PCDH15: variants seen among roughly 807,000 people sequenced by gnomAD.
PCDH15 encodes protocadherin related 15, also known as protocadherin-15.
PCDH15 carries 129 observed loss-of-function variants against 178.5 expected under a neutral mutation model. The observed-to-expected ratio is 0.72, with a 90% CI of 0.63 to 0.84. The LOEUF (loss-of-function observed/expected upper bound fraction) is 0.84, where lower values mean the gene tolerates loss of function less well. Among genes scored for constraint, PCDH15 ranks in the 40% least tolerant of loss-of-function variants. PCDH15 has a pLI of 0.00. For synonymous variants in PCDH15, 800 were observed against 732.0 expected, an observed-to-expected ratio of 1.09 and a Z score of -1.50; for missense variants, 2,230 against 2,099.9, an observed-to-expected ratio of 1.06 and a Z score of -1.21.
rs780080979 is a variant in PCDH15 at position 53,803,462 on chromosome 10, C to T, written c.*3117G>A. 1.6e-4 allele frequency: 25 copies of T among 151,804 alleles called. No individual in the cohort carries two copies. Among genetic ancestry groups the T allele is most frequent in the Non-Finnish European group, 3.2e-4 (22 of 67,854 alleles). 9.4% of individuals were successfully genotyped at this position (151,804 alleles called of 1,614,324 possible). On this transcript the variant is annotated 3_prime_UTR_variant, in exon 38 of 38. Transcript: ENST00000644397. Reference sequence around the variant, plus strand: ...ACTACTGAATCACCTTTGGAACAACCACTTAAGTAAATAATAGTCTTTAAC... The same window carrying T: ...ACTACTGAATCACCTTTGGAACAACTACTTAAGTAAATAATAGTCTTTAAC...
At chr10:54,980,183 A>G (rs968117235) in intron 2 of PCDH15, among the ~76,000 whole-genome samples, 1 of 152,208 alleles carries the variant, frequency 6.6e-6, no homozygotes, top group East Asian at 1.9e-4. Flanking sequence ...CATGCTTGGC[A>G]TTCCAATAAT....
intron 3 of PCDH15, among the ~76,000 whole-genome samples, chr10:54,825,862 C>T (rs146709720): frequency 1.3e-3 from 198 of 152,142 alleles, no homozygotes; most frequent in African/African-American, 3.8e-3. Flanking sequence ...GTTATTAACA[C>T]GATCCATAGT....
At chr10:54,026,180 C>G (rs377118639) in intron 18 of PCDH15, among the ~76,000 whole-genome samples, 5 of 151,972 alleles carry the variant, frequency 3.3e-5, no homozygotes, top group African/African-American at 1.2e-4. Context: ...GCAATCCTCC[C>G]ACCTCAGCGT....
At chr10:55,225,917 G>A (rs74383229) in intron 1 of PCDH15, among the ~76,000 whole-genome samples, 1 of 152,026 alleles carries the variant, frequency 6.6e-6, no homozygotes, top group South Asian at 2.1e-4. Flanking sequence ...AAGAGTAAGA[G>A]TGAGATACTC....
chr10:55,118,094 G>T (rs1837671435), intron 2 of PCDH15, among the ~76,000 whole-genome samples: 1 of 152,114 alleles, frequency 6.6e-6, no homozygotes, highest in Admixed American at 6.6e-5. Context: ...TAACCTTCTG[G>T]AAAAGAAGGA....
At chr10:53,864,381 T>A (rs143940230) in intron 27 of PCDH15, among the ~76,000 whole-genome samples, 55 of 152,094 alleles carry the variant, frequency 3.6e-4, no homozygotes, top group African/African-American at 1.3e-3. Flanking sequence ...CCCACCTGAG[T>A]AACAAAGGAT....
At chr10:54,157,711 T>C (rs2045305113) in intron 13 of PCDH15, among the ~76,000 whole-genome samples, 1 of 152,326 alleles carries the variant, frequency 6.6e-6, no homozygotes, top group South Asian at 2.1e-4. Context: ...TATTGTGTTG[T>C]CAGGCTGCAA....
intron 2 of PCDH15, among the ~76,000 whole-genome samples, chr10:55,375,563 G>C (rs1837376589): frequency 6.6e-6 from 1 of 152,126 alleles, no homozygotes; most frequent in African/African-American, 2.4e-5. Context: ...GCTATGGGGA[G>C]AGTGTCTTCT....
intron 1 of PCDH15, among the ~76,000 whole-genome samples, chr10:55,239,769 T>C (rs1283118360): frequency 1.3e-5 from 2 of 151,914 alleles, no homozygotes; most frequent in African/African-American, 4.8e-5. Flanking sequence ...AAAAGGAAAA[T>C]GTTTGCAAAC....
chr10:54,752,476 C>CAAAAAAAAAAAAAAAAAAAAAAAA (rs755874514), intron 1 of PCDH15, among the ~76,000 whole-genome samples: 1 of 89,716 alleles, frequency 1.1e-5, no homozygotes, highest in African/African-American at 4.4e-5. Context: ...GACTCCGTCT[C>CAAAAAAAAAAAAAAAAAAAAAAAA]AAAAAAAAAA....
At chr10:54,532,784 C>T (rs990675475) in intron 2 of PCDH15, among the ~76,000 whole-genome samples, 13 of 151,806 alleles carry the variant, frequency 8.6e-5, no homozygotes, top group African/African-American at 3.1e-4. Context: ...CAACTAATTC[C>T]AGGCCTGAGC....
intron 2 of PCDH15, among the ~76,000 whole-genome samples, chr10:55,162,432 C>T (rs986400756): frequency 9.9e-5 from 15 of 152,072 alleles, no homozygotes; most frequent in East Asian, 9.7e-4. Flanking sequence ...TTCATTTAAC[C>T]GAACAGTAGG....
rs1290864695 is a variant in PCDH15 at position 55,463,965 on chromosome 10, GAAAGAAAGAGAA to G, written c.-156+163648_-156+163659del. Among the ~76,000 whole-genome samples the G allele has an allele frequency of 5.6e-4, 20 of 35,734 alleles. 4 individuals carry two copies. The highest frequency in any genetic ancestry group is 1.8e-3 in the South Asian group (2 of 1,112). 23.4% of individuals were successfully genotyped at this position (35,734 alleles called of 152,430 possible). A position where few individuals can be genotyped will look rare whatever the true frequency, so the allele number is the denominator to read the frequency against. On this transcript the variant is annotated intron_variant, in intron 2 of 5. Coordinates refer to the PCDH15 transcript ENST00000613346. ...AGAAAGAAAGAAAGAAAGAAAGAAA[GAAAGAAAGAGAA>G]AGAAAGAAAGAAAGAGAAAGAAAGA...
intron 9 of PCDH15, among the ~76,000 whole-genome samples, chr10:54,218,935 ATGGAAAGAGAACCAC>A (rs1391471025): frequency 6.6e-6 from 1 of 152,024 alleles, no homozygotes. Flanking sequence ...TTAAAAATAA[ATGGAAAGAGAACCAC>A]TGTAGATTAA....
chr10:54,027,412 C>T (rs1013177095), intron 18 of PCDH15, among the ~76,000 whole-genome samples: 2 of 152,064 alleles, frequency 1.3e-5, no homozygotes, highest in Non-Finnish European at 2.9e-5. Flanking sequence ...GCTACCAATG[C>T]CTTTCTTCAC....
At chr10:54,933,752 C>T (rs944626604) in intron 2 of PCDH15, among the ~76,000 whole-genome samples, 1 of 151,962 alleles carries the variant, frequency 6.6e-6, no homozygotes, top group Non-Finnish European at 1.5e-5. Context: ...ATTATGGATT[C>T]CATGTGCAAA....
intron 3 of PCDH15, among the ~76,000 whole-genome samples, chr10:54,496,832 C>T (rs2080162744): frequency 6.6e-6 from 1 of 152,000 alleles, no homozygotes; most frequent in South Asian, 2.1e-4. Flanking sequence ...TATCCATTGC[C>T]CAAACTCAAG....
intron 3 of PCDH15, among the ~76,000 whole-genome samples, chr10:54,523,771 G>T (rs1418381037): frequency 6.6e-6 from 1 of 152,168 alleles, no homozygotes; most frequent in Non-Finnish European, 1.5e-5. Context: ...CAGATTTTCA[G>T]TGTCTTAACA....
At chr10:54,579,655 C>G (rs1000450299) in intron 2 of PCDH15, among the ~76,000 whole-genome samples, 1 of 152,004 alleles carries the variant, frequency 6.6e-6, no homozygotes, top group African/African-American at 2.4e-5. Context: ...ACAGAGCACT[C>G]TACCCATCAA....
Sources: gnomAD v4.1 joint callset for allele counts (sites outside exome capture counted in the v4.1 genomes callset) on GRCh38, gnomAD v4.1.1 for gene constraint, MANE v1.5 for transcripts, NCBI Gene and HGNC (gene_info 2026-07-23, HGNC 2026-07-21) for gene names.